Variants in L3MBTL4 observed in about 807,000 individuals in gnomAD.
L3MBTL4 encodes lethal(3)malignant brain tumor-like protein 4.
In L3MBTL4, 70 loss-of-function variants were observed where a neutral mutation model predicts 84.5. The ratio of observed to expected loss-of-function variants is 0.83; its 90% CI spans 0.68 to 1.01. L3MBTL4 has a LOEUF of 1.01. Among genes scored for constraint, L3MBTL4 ranks in the 50% least tolerant of loss-of-function variants. The pLI, the probability that L3MBTL4 is intolerant of heterozygous loss-of-function variation, is 0.00. For synonymous variants in L3MBTL4, 274 were observed against 259.8 expected, an observed-to-expected ratio of 1.05 and a Z score of -0.52; for missense variants, 715 against 754.8, an observed-to-expected ratio of 0.95 and a Z score of 0.62.
chr18:6,361,461 T>C (rs2053692639), intron 1 of L3MBTL4, among the ~76,000 whole-genome samples: 1 of 152,002 alleles, frequency 6.6e-6, no homozygotes, highest in Non-Finnish European at 1.5e-5. Context: ...GATCCAGGGG[T>C]GGCCTCCAGA....
At chr18:6,328,907 G>A (rs1339496960) in intron 1 of L3MBTL4, among the ~76,000 whole-genome samples, 1 of 152,122 alleles carries the variant, frequency 6.6e-6, no homozygotes, top group Non-Finnish European at 1.5e-5. Flanking sequence ...ATGGGACCAC[G>A]TTTGGGAATA....
At chr18:5,988,051 G>A (rs9958859) in intron 16 of L3MBTL4, among the ~76,000 whole-genome samples, 15,545 of 152,176 alleles carry the variant, frequency 0.1, 921 homozygotes, top group African/African-American at 0.13. Flanking sequence ...CTTGCATAAA[G>A]TCATTGCATG....
chr18:6,321,728 T>A (rs1384354684), intron 1 of L3MBTL4, among the ~76,000 whole-genome samples: 2 of 152,164 alleles, frequency 1.3e-5, no homozygotes, highest in African/African-American at 4.8e-5. Flanking sequence ...TAAAAATGAA[T>A]GAGATAATGT....
intron 12 of L3MBTL4, among the ~76,000 whole-genome samples, chr18:6,187,478 A>G (rs894456475): frequency 1.3e-5 from 2 of 152,200 alleles, no homozygotes; most frequent in African/African-American, 4.8e-5. Flanking sequence ...GTGCTGGGTC[A>G]TTAAAATAAA....
At chr18:6,084,537 C>T (rs1275582827) in intron 15 of L3MBTL4, among the ~76,000 whole-genome samples, 1 of 152,204 alleles carries the variant, frequency 6.6e-6, no homozygotes, top group East Asian at 1.9e-4. Context: ...GCTTAACAGG[C>T]AGACACTGGG....
chr18:6,044,917 C>T (rs537212651), intron 16 of L3MBTL4, among the ~76,000 whole-genome samples: 13 of 152,308 alleles, frequency 8.5e-5, no homozygotes, highest in African/African-American at 3.1e-4. Flanking sequence ...ATTTACTTTA[C>T]ATCTCCCCAG....
chr18:5,969,733 T>C (rs895286750), intron 16 of L3MBTL4, among the ~76,000 whole-genome samples, 171 bp from the exon 17 acceptor site: 1 of 152,122 alleles, frequency 6.6e-6, no homozygotes, highest in Non-Finnish European at 1.5e-5. Flanking sequence ...ATGCCACCAG[T>C]CTGTTTTTGA....
intron 1 of L3MBTL4, among the ~76,000 whole-genome samples, chr18:6,325,935 G>A (rs903137509): frequency 1.3e-5 from 2 of 152,156 alleles, no homozygotes; most frequent in Non-Finnish European, 2.9e-5. Context: ...AGCAAGGCTT[G>A]CTCCTTTTCT....
intron 14 of L3MBTL4, among the ~76,000 whole-genome samples, chr18:6,111,926 T>C (rs1203703348): frequency 5.9e-5 from 9 of 152,170 alleles, no homozygotes; most frequent in African/African-American, 1.2e-4. Flanking sequence ...TGTTGTGCAA[T>C]ATATCTCCTT....
At chr18:6,028,447 T>C (rs2055616572) in intron 16 of L3MBTL4, among the ~76,000 whole-genome samples, 1 of 152,228 alleles carries the variant, frequency 6.6e-6, no homozygotes. Flanking sequence ...AGCCTTGCAG[T>C]ATAGTTTGAA....
At chr18:6,253,021 G>A (rs2047992366) in intron 5 of L3MBTL4, among the ~76,000 whole-genome samples, 1 of 152,156 alleles carries the variant, frequency 6.6e-6, no homozygotes, top group Admixed American at 6.5e-5. Context: ...GGCCAACGTG[G>A]TGAAACCCCG....
intron 17 of L3MBTL4, among the ~76,000 whole-genome samples, chr18:5,963,005 A>C (rs1294487497): frequency 6.6e-6 from 1 of 152,218 alleles, no homozygotes; most frequent in African/African-American, 2.4e-5. Flanking sequence ...CTGGGGGGCA[A>C]CATTGCCCCA....
intron 13 of L3MBTL4, among the ~76,000 whole-genome samples, chr18:6,168,258 A>T (rs981033320): frequency 6.6e-6 from 1 of 152,164 alleles, no homozygotes; most frequent in Non-Finnish European, 1.5e-5. Context: ...TGCCCAAGGT[A>T]ATTTACAGAT....
At chr18:6,399,343 A>T (rs7234434) in intron 1 of L3MBTL4, among the ~76,000 whole-genome samples, 1 of 152,008 alleles carries the variant, frequency 6.6e-6, no homozygotes, top group Admixed American at 6.5e-5. Flanking sequence ...AGGCTGAGGC[A>T]GGAGAATCGC....
chr18:6,131,461 C>A (rs1225697120), intron 14 of L3MBTL4, among the ~76,000 whole-genome samples: 1 of 152,056 alleles, frequency 6.6e-6, no homozygotes, highest in Non-Finnish European at 1.5e-5. Context: ...CTAGAGACTG[C>A]AAGAAGTGTC....
chr18:6,188,445 G>T (rs2044892777), intron 12 of L3MBTL4, among the ~76,000 whole-genome samples: 1 of 151,868 alleles, frequency 6.6e-6, no homozygotes. Context: ...ACTAGAAAAT[G>T]TCTAGAAACT....
chr18:5,966,860 G>A (rs1437670924), intron 17 of L3MBTL4, among the ~76,000 whole-genome samples: 1 of 151,994 alleles, frequency 6.6e-6, no homozygotes, highest in Non-Finnish European at 1.5e-5. Context: ...GACTGTAAAT[G>A]GAATGGCATT....
At chr18:6,248,575 G>A (rs1050086277) in intron 5 of L3MBTL4, among the ~76,000 whole-genome samples, 1 of 152,164 alleles carries the variant, frequency 6.6e-6, no homozygotes, top group African/African-American at 2.4e-5. Flanking sequence ...CCTCGTGGAG[G>A]TCACCAACTT....
chr18:6,031,362 G>A, intron 16 of L3MBTL4: 1 of 985,436 alleles, frequency 1.0e-6, no homozygotes, highest in Non-Finnish European at 1.2e-6. Context: ...TCACCTTATT[G>A]TAGATAGCAA....
Sources: gnomAD v4.1 joint callset for allele counts (sites outside exome capture counted in the v4.1 genomes callset) on GRCh38, gnomAD v4.1.1 for gene constraint, MANE v1.5 for transcripts, NCBI Gene and HGNC (gene_info 2026-07-23, HGNC 2026-07-21) for gene names.